MACF1: variants seen among roughly 807,000 people sequenced by gnomAD.
MACF1 encodes microtubule actin crosslinking factor 1.
In MACF1, 193 loss-of-function variants were observed where a neutral mutation model predicts 854.8. That is an observed-to-expected ratio of 0.23 (90% CI 0.20 to 0.25). MACF1 has a LOEUF of 0.25. Among genes scored for constraint, MACF1 ranks in the 10% least tolerant of loss-of-function variants. The pLI is 1.00. For synonymous variants in MACF1, 3,185 were observed against 3,226.7 expected (o/e 0.99, Z 0.44); for missense variants, 7,722 against 8,929.1 (o/e 0.86, Z 5.45).
At chr1:39,172,663 TCTAA>T (rs1362661221) in intron 2 of MACF1, among the ~76,000 whole-genome samples, 3 of 152,238 alleles carry the variant, frequency 2.0e-5, no homozygotes, top group Non-Finnish European at 2.9e-5. Flanking sequence ...TGTTCACCAC[TCTAA>T]CAGAGTCCTG....
chr1:39,353,277 G>A, intron 44 of MACF1, 46 bp downstream of exon 44: 1 of 1,457,168 alleles, frequency 6.9e-7, no homozygotes, highest in Non-Finnish European at 9.3e-7. Flanking sequence ...AATCTCTCCT[G>A]CCCTGAGCAA....
chr1:39,309,155 T>G (rs1328355894), intron 23 of MACF1, among the ~76,000 whole-genome samples: 2 of 152,196 alleles, frequency 1.3e-5, no homozygotes, highest in Non-Finnish European at 2.9e-5. Context: ...AATCATCATA[T>G]TATATCCAGG....
rs568454694 is a variant in MACF1, at chr1:39,110,446, C to CTATG, written c.220+26008_220+26009insTATG. On this transcript the variant is annotated intron_variant, in intron 2 of 93. Transcript: ENST00000361689. ...AGAGAAAAGGTCTCACTATGTTGCCCAGGCTGGTCTCAACCCCCTGGCCTC... is the reference window on the plus strand; with the variant it reads ...AGAGAAAAGGTCTCACTATGTTGCCCTATGAGGCTGGTCTCAACCCCCTGGCCTC... Among the ~76,000 whole-genome samples the CTATG allele has an allele frequency of 6.1e-3, 927 of 152,096 alleles. 5 individuals are homozygous for CTATG. The highest frequency in any genetic ancestry group is 0.011 in the Non-Finnish European group (771 of 67,978).
intron 52 of MACF1, among the ~76,000 whole-genome samples, chr1:39,374,760 C>A (rs184768198): frequency 1.6e-3 from 249 of 152,040 alleles, no homozygotes; most frequent in Middle Eastern, 3.4e-3. Flanking sequence ...TAAAAAAAAA[C>A]CAGAAATCTC....
Position 39,303,999 on chromosome 1 carries a change from C to T in MACF1, c.2789+921C>T, listed in dbSNP as rs570669115. Among the ~76,000 whole-genome samples, 10 of 150,038 alleles carry T rather than the reference C, an allele frequency of 6.7e-5. No homozygotes were observed. In the East Asian group the frequency reaches 1.2e-3, roughly 18 times the overall value. The stretch of plus-strand genomic sequence containing the variant: ...AACTTCAGTGGAATGGGCAGCTTCA[C>T]GTTGATGCCATTTCTTTCTTTTTTT... On this transcript the variant is annotated intron_variant, in intron 23 of 100. Coordinates refer to ENST00000564288, the MANE Select transcript of MACF1 (RefSeq NM_001394062.1).
chr1:39,120,787 G>T (rs1642681466), intron 2 of MACF1, among the ~76,000 whole-genome samples: 1 of 75,890 alleles, frequency 1.3e-5, no homozygotes. Flanking sequence ...GCACATCATG[G>T]AGAATGGGGT....
chr1:39,116,757 T>C (rs1193354310), intron 2 of MACF1, among the ~76,000 whole-genome samples: 1 of 152,198 alleles, frequency 6.6e-6, no homozygotes, highest in Non-Finnish European at 1.5e-5. Flanking sequence ...AATTTGACTT[T>C]TGGACAGGAC....
chr1:39,427,746 T>G (rs1643771426), intron 62 of MACF1, 132 bp downstream of exon 62: 1 of 1,028,640 alleles, frequency 9.7e-7, no homozygotes, highest in African/African-American at 1.6e-5. Flanking sequence ...GATTATTAAT[T>G]GGAAAAGTCA....
chr1:39,415,965 C>T (rs1643289826), intron 58 of MACF1, among the ~76,000 whole-genome samples: 1 of 152,082 alleles, frequency 6.6e-6, no homozygotes, highest in Non-Finnish European at 1.5e-5. Context: ...TATCAATTTC[C>T]TAGACTATGG....
chr1:39,300,889 C>G (rs1646026122), intron 22 of MACF1, among the ~76,000 whole-genome samples: 1 of 151,996 alleles, frequency 6.6e-6, no homozygotes, highest in Non-Finnish European at 1.5e-5. Context: ...TAGCCAGGTA[C>G]AGTGACTTGC....
At chr1:39,351,105 CT>C in intron 43 of MACF1, 87 bp downstream of exon 43, 1 of 920,052 alleles carries the variant, frequency 1.1e-6, no homozygotes, top group Non-Finnish European at 1.6e-6. Context: ...GGAAAACAGG[CT>C]TATAGCATGC....
intron 97 of MACF1, among the ~76,000 whole-genome samples, chr1:39,479,458 A>G (rs560802419): frequency 1.6e-4 from 24 of 152,326 alleles, no homozygotes; most frequent in African/African-American, 5.8e-4. Context: ...AGGGGTTTTG[A>G]TTTAACTTCA....
In MACF1 at chr1:39,337,269, A is replaced by G. The variant is rs1328064124; in HGVS notation, c.10153A>G (p.Lys3385Glu). The G allele has an allele frequency of 1.9e-6, 3 of 1,614,124 alleles. No individual in the cohort carries two copies. In the Admixed American group the frequency reaches 5.0e-5, roughly 27 times the overall value. Residue 3385 changes from lysine to glutamate, a missense_variant, in exon 38 of 101, where the codon AAA (lysine) becomes GAA (glutamate). By Grantham distance (56) the Lys-to-Glu change is moderately conservative. Around this residue, in one of 15 missense-constraint regions of MACF1, gnomAD observed 854 missense variants for 852.6 expected, o/e 1.00. Transcript: ENST00000564288. ...GTTACGGAACATTGAAATGAGGACC[A>G]AACAGATTCAACCTTTGGAGCTAAA... Reference protein sequence around the residue: ...SLLRNIEMRTKQIQPLELNLA... With the variant: ...SLLRNIEMRTEQIQPLELNLA...
intron 58 of MACF1, among the ~76,000 whole-genome samples, chr1:39,389,351 G>GTTTTTTTTTTTTTTT (rs10588247): frequency 1.6e-5 from 1 of 63,470 alleles, no homozygotes; most frequent in African/African-American, 5.7e-5. Flanking sequence ...GTTTTTGTGT[G>GTTTTTTTTTTTTTTT]TTTTTTTTTT....
At chr1:39,208,361 C>G (rs1435013068) in intron 1 of MACF1, among the ~76,000 whole-genome samples, 3 of 152,034 alleles carry the variant, frequency 2.0e-5, no homozygotes, top group Non-Finnish European at 2.9e-5. Flanking sequence ...CTATTCTGTG[C>G]TGCAGTAGCA....
chr1:39,387,401 T>A lies in MACF1; in HGVS notation c.14559T>A (p.Ile4853=). The change falls in exon 58 of 101, where the codon ATT becomes ATA. Residue 4853 remains isoleucine, a synonymous_variant. Transcript: ENST00000564288. ...AACACAGTGGCTCCTATGAGGTGATTGTGGCTGAAGGGGAATCTCTACTTC... is the reference window on the plus strand; with the variant it reads ...AACACAGTGGCTCCTATGAGGTGATAGTGGCTGAAGGGGAATCTCTACTTC... ...LNQHSGSYEV[I]VAEGESLLLS... is the part of the protein sequence containing the mutation. The A allele has an allele frequency of 6.2e-7, 1 of 1,614,174 alleles. No individual in the cohort carries two copies. Among genetic ancestry groups the A allele is most frequent in the East Asian group, 2.2e-5 (1 of 44,886 alleles).
Position 39,282,563 on chromosome 1 carries a change from G to A in MACF1, c.695+189G>A, listed in dbSNP as rs1402819732. Among the ~76,000 whole-genome samples the A allele has an allele frequency of 6.6e-5, 10 of 152,204 alleles. No homozygotes were observed. The South Asian group carries it at 1.4e-3, about 22-fold the overall frequency. ...TACAAGTAGCAGTGAAGAAAACAGC[G>A]AAAGTTCTTGCTCTCATGGAACTTA... is the stretch of plus-strand genomic sequence containing the variant. On this transcript the variant is annotated intron_variant, in intron 7 of 100. Coordinates refer to ENST00000564288, the MANE Select transcript of MACF1 (RefSeq NM_001394062.1).
intron 68 of MACF1, 150 bp from the exon 69 acceptor site, chr1:39,434,264 A>T: frequency 2.4e-6 from 1 of 408,702 alleles, no homozygotes; most frequent in South Asian, 9.3e-5. Context: ...TGAAGAAGAA[A>T]ATAAAAATCA....
At chr1:39,356,225 A>G (rs890131495) in intron 44 of MACF1, among the ~76,000 whole-genome samples, 2 of 152,216 alleles carry the variant, frequency 1.3e-5, no homozygotes, top group Non-Finnish European at 2.9e-5. Flanking sequence ...GCACATAGAC[A>G]CAGTACATAC....
Sources: gnomAD v4.1 joint callset for allele counts (sites outside exome capture counted in the v4.1 genomes callset) on GRCh38, gnomAD v4.1.1 for gene constraint, gnomAD v4.1.1 regional missense constraint, MANE v1.5 for transcripts, NCBI Gene and HGNC (gene_info 2026-07-23, HGNC 2026-07-21) for gene names.